Variants in ECEL1 observed in about 807,000 individuals in gnomAD.
The protein encoded by ECEL1 is endothelin-converting enzyme-like 1.
Under a neutral mutation model 101.8 loss-of-function variants are expected in ECEL1, and 87 were observed. The observed-to-expected ratio is 0.85, with a 90% CI of 0.72 to 1.02. The LOEUF is 1.02. Among genes scored for constraint, ECEL1 ranks in the 50% least tolerant of loss-of-function variants. ECEL1 has a pLI of 0.00. For synonymous variants in ECEL1, 487 were observed against 468.7 expected (o/e 1.04, Z -0.50); for missense variants, 1,032 against 1,079.2 (o/e 0.96, Z 0.61).
At chr2:232,482,524 C>T (rs1690606286) in intron 11 of ECEL1, 26 bp downstream of exon 11, 1 of 1,613,894 alleles carries the variant, frequency 6.2e-7, no homozygotes, top group African/African-American at 1.3e-5. Context: ...CCCTGCCCCG[C>T]CCGGCGTAGG....
chr2:232,483,298 G>T, intron 8 of ECEL1, 118 bp downstream of exon 8: 1 of 1,551,960 alleles, frequency 6.4e-7, no homozygotes, highest in South Asian at 1.1e-5. Flanking sequence ...TCACAGTGGG[G>T]GAGGCAGGCC....
At chr2:232,483,590 T>G (rs979778605) in intron 7 of ECEL1, 76 bp from the exon 8 acceptor site, 19 of 1,286,530 alleles carry the variant, frequency 1.5e-5, no homozygotes, top group Non-Finnish European at 1.9e-5. Context: ...GGGGTACCCC[T>G]GCCTTTAAGC....
rs551914667 is a variant in ECEL1 at position 232,487,375 on chromosome 2, G to A, written c.-102+344C>T. 3.2e-4 allele frequency among the ~76,000 whole-genome samples: 48 copies of A among 152,226 alleles called. No homozygotes were observed. The South Asian group carries it at 9.7e-3, about 31-fold the overall frequency. ...CGGACACACAACCCACCCACTGGAC[G>A]GCCCTGATGGAGAACCCGAGACGGG... is the stretch of plus-strand genomic sequence containing the variant. On this transcript the variant is annotated intron_variant, in intron 1 of 17. Coordinates refer to ENST00000304546, the MANE Select transcript of ECEL1 (RefSeq NM_004826.4).
intron 12 of ECEL1, 133 bp downstream of exon 12, chr2:232,482,285 C>T: frequency 8.3e-7 from 1 of 1,203,158 alleles, no homozygotes; most frequent in East Asian, 2.3e-5. Flanking sequence ...CCAGGGTCCA[C>T]AGCTGTCCTG....
rs1690539864 is a variant in ECEL1 at position 232,480,191 on chromosome 2, A to T, written c.2290T>A (p.Ser764Thr). 6 of 1,613,874 alleles carry T rather than the reference A, an allele frequency of 3.7e-6. No individual in the cohort carries two copies. The highest frequency in any genetic ancestry group is 5.1e-6 in the Non-Finnish European group (6 of 1,179,950). ...FGRAFHCPKD[S>T]PMNPAHKCSV... is the part of the protein sequence containing the mutation. ...CACTTGTGGGCAGGGTTCATGGGTG[A>T]GTCCTTGGGACAGTGGAAAGCCCGG... The change falls in exon 18 of 18, where the codon TCA becomes ACA. Residue 764 changes from serine to threonine, a missense_variant. By Grantham distance (58) the Ser-to-Thr change is moderately conservative. Coordinates refer to ENST00000304546, the MANE Select transcript of ECEL1 (RefSeq NM_004826.4).
chr2:232,486,361 C>T lies in ECEL1; in HGVS notation c.293G>A (p.Gly98Asp), dbSNP rs1257904516. The change falls in exon 2 of 18, where the codon GGC (glycine) becomes GAC (aspartate). Residue 98 changes from glycine (G) to aspartate (D), a missense_variant. By Grantham distance (94) the Gly-to-Asp change is moderately conservative. Transcript: ENST00000304546. ...VAAGGGACPE[G>D]CPERKAFARA... ...CGCGAAGGCCTTGCGCTCAGGGCAG[C>T]CCTCGGGACAGGCGCCGCCGCCGGC... The T allele has an allele frequency of 2.0e-6, 3 of 1,513,028 alleles. No individual in the cohort carries two copies. The African/African-American group carries it at 4.3e-5, about 22-fold the overall frequency. The allele number at this position is 1,513,028 out of a possible 1,614,324, so 93.7% of individuals were successfully genotyped here.
rs1301998662 is a variant in ECEL1, at chr2:232,484,150, C to T, written c.1258G>A (p.Ala420Thr). 19 of 1,613,772 alleles carry T rather than the reference C, an allele frequency of 1.2e-5. No homozygotes were observed. Among genetic ancestry groups the T allele is most frequent in the Non-Finnish European group, 1.5e-5 (18 of 1,180,028 alleles). ...ATCTCCTGTGCCAGCTCGTGCAGTG[C>T]CTCACGGAATGGCGGGGACAGGTGT... ...SEHLSPPFREALHELAQEMEG... is the reference protein window; with the variant it reads ...SEHLSPPFRETLHELAQEMEG... Residue 420 changes from alanine (A) to threonine (T), a missense_variant, in exon 7 of 18, where the codon GCA becomes ACA. Transcript: ENST00000304546.
At position 232,481,443 on chromosome 2, in the gene ECEL1, G is replaced by A. The variant is rs566513569; in HGVS notation, c.1989+63C>T. 155 of 1,554,830 alleles carry A rather than the reference G, an allele frequency of 1.0e-4. 1 individual carries two copies. The highest frequency in any genetic ancestry group is 7.4e-4 in the South Asian group (63 of 84,924). On this transcript the variant is annotated intron_variant, in intron 14 of 17. Transcript: ENST00000304546. The stretch of plus-strand genomic sequence containing the variant: ...CATGTGCACGTGCGCAAGGGTGTGC[G>A]TGATGCTCCCGGCCCGTGCCCCACC...
chr2:232,481,116 A>G lies in ECEL1; in HGVS notation c.2030T>C (p.Met677Thr), dbSNP rs751040492. The G allele has an allele frequency of 8.9e-6, 14 of 1,567,344 alleles. No individual in the cohort carries two copies. Among genetic ancestry groups the G allele is most frequent in the African/African-American group, 6.8e-5 (5 of 73,938 alleles). Residue 677 changes from methionine to threonine, a missense_variant, in exon 15 of 18, where the codon ATG becomes ACG. Coordinates refer to ENST00000304546, the MANE Select transcript of ECEL1 (RefSeq NM_004826.4). ...GTGGTAGGCCAGCTTGAGGCCGCCC[A>G]TATCTGCGATGTTCTCCCCAAGCGT... ...KHTLGENIAD[M>T]GGLKLAYHAY... is the part of the protein sequence containing the mutation.
chr2:232,485,972 G>A lies in ECEL1; in HGVS notation c.682C>T (p.Leu228Phe), dbSNP rs1341994729. Residue 228 changes from leucine to phenylalanine, a missense_variant, in exon 2 of 18, where the codon CTC (leucine) becomes TTC (phenylalanine). Coordinates refer to ENST00000304546, the MANE Select transcript of ECEL1 (RefSeq NM_004826.4). The part of the protein sequence containing the change: ...ERPGVAARWD[L>F]NRLLYKAQGV... ...TGCGCCTTGTACAGCAGCCGGTTGAGGTCCCATCGCGCCGCGACCCCCGGA... is the reference window on the plus strand; with the variant it reads ...TGCGCCTTGTACAGCAGCCGGTTGAAGTCCCATCGCGCCGCGACCCCCGGA... 1.9e-6 allele frequency: 3 copies of A among 1,599,776 alleles called. No homozygotes were observed. Among genetic ancestry groups the A allele is most frequent in the African/African-American group, 1.3e-5 (1 of 74,852 alleles).
intron 14 of ECEL1, 141 bp downstream of exon 14, chr2:232,481,365 G>A (rs1690573571): frequency 7.0e-7 from 1 of 1,422,576 alleles, no homozygotes; most frequent in African/African-American, 1.4e-5. Flanking sequence ...CCACGTGAGT[G>A]TGCGTGGGAA....
intron 10 of ECEL1, 72 bp from the exon 11 acceptor site, chr2:232,482,680 C>T (rs1485664733): frequency 1.7e-5 from 27 of 1,551,140 alleles, no homozygotes; most frequent in South Asian, 2.4e-5. Context: ...ACAGCTTCCT[C>T]GTCAGCCATC....
In ECEL1 at chr2:232,479,974, G is replaced by A. The variant is rs1363937242; in HGVS notation, c.*179C>T. 1.3e-5 allele frequency: 8 copies of A among 628,662 alleles called. No individual in the cohort carries two copies. Among genetic ancestry groups the A allele is most frequent in the Non-Finnish European group, 2.2e-5 (8 of 356,434 alleles). The allele number at this position is 628,662 out of a possible 1,614,324, so 38.9% of individuals were successfully genotyped here. The stretch of plus-strand genomic sequence containing the variant: ...TTCCCTCACAGCCCCCCAAAGTCCA[G>A]CCTCACCCTGCTCCAGGCCCCTCCT... On this transcript the variant is annotated 3_prime_UTR_variant, in exon 18 of 18. Coordinates refer to ENST00000304546, the MANE Select transcript of ECEL1 (RefSeq NM_004826.4).
chr2:232,486,735 G>A lies in ECEL1; in HGVS notation c.-82C>T. ...GCCGCCGGCCTCCTCGTGGGCCTCC[G>A]CATGGCCCTGGGGCCGCAGCTGCGG... On this transcript the variant is annotated 5_prime_UTR_variant, in exon 2 of 18. Transcript: ENST00000304546. 4 of 1,339,466 alleles carry A rather than the reference G, an allele frequency of 3.0e-6. No homozygotes were observed. The highest frequency in any genetic ancestry group is 2.9e-6 in the Non-Finnish European group (3 of 1,040,906). 83.0% of individuals were successfully genotyped at this position (1,339,466 alleles called of 1,614,324 possible).
At chr2:232,484,658 G>A in intron 5 of ECEL1, 62 bp from the exon 6 acceptor site, 3 of 1,607,470 alleles carry the variant, frequency 1.9e-6, no homozygotes, top group Non-Finnish European at 1.7e-6. Flanking sequence ...AAGACAGGGA[G>A]GGGGCAGAGA....
rs36035767 is a variant in ECEL1 at position 232,485,007 on chromosome 2, G to T, written c.940C>A (p.Leu314Met). The T allele has an allele frequency of 1.5e-5, 24 of 1,612,970 alleles. No individual in the cohort carries two copies. The Admixed American group carries it at 4.0e-4, about 27-fold the overall frequency. Residue 314 changes from leucine to methionine, a missense_variant, in exon 4 of 18, where the codon CTG (leucine) becomes ATG (methionine). Coordinates refer to ENST00000304546, the MANE Select transcript of ECEL1 (RefSeq NM_004826.4). ...DAVEQKAQEILQVEQQLANIT... is the reference protein window; with the variant it reads ...DAVEQKAQEIMQVEQQLANIT... ...TTGGCCAGCTGCTGCTCCACTTGCA[G>T]GATCTCTTGGGCCTTCTGTTCCACA...
At chr2:232,481,389 C>G in intron 14 of ECEL1, 117 bp downstream of exon 14, 2 of 1,490,728 alleles carry the variant, frequency 1.3e-6, no homozygotes, top group Non-Finnish European at 1.8e-6. Flanking sequence ...AATGTGTGTG[C>G]AGGGACCTGG....
chr2:232,481,380 A>C (rs1331426199), intron 14 of ECEL1, 126 bp downstream of exon 14: 52 of 1,472,144 alleles, frequency 3.5e-5, no homozygotes, highest in Non-Finnish European at 4.5e-5. Flanking sequence ...TGGGAACCGA[A>C]TGTGTGTGCA....
Position 232,486,724 on chromosome 2 carries a change from C to G in ECEL1, c.-71G>C. 1 of 1,372,964 alleles carries G rather than the reference C, an allele frequency of 7.3e-7. No individual in the cohort carries two copies. Among genetic ancestry groups the G allele is most frequent in the Non-Finnish European group, 9.4e-7 (1 of 1,065,432 alleles). The allele number at this position is 1,372,964 out of a possible 1,614,324, so 85.0% of individuals were successfully genotyped here. On this transcript the variant is annotated 5_prime_UTR_variant, in exon 2 of 18. Transcript: ENST00000304546. Reference sequence around the variant, plus strand: ...GGATGCGCGTGGCCGCCGGCCTCCTCGTGGGCCTCCGCATGGCCCTGGGGC... The same window carrying G: ...GGATGCGCGTGGCCGCCGGCCTCCTGGTGGGCCTCCGCATGGCCCTGGGGC...
Sources: allele counts gnomAD v4.1 joint callset (sites outside exome capture counted in the v4.1 genomes callset), GRCh38; gene constraint gnomAD v4.1.1; transcripts MANE v1.5; gene names NCBI Gene and HGNC (gene_info 2026-07-23, HGNC 2026-07-21).